Variants in MYH10 observed in about 807,000 individuals in gnomAD.
MYH10 encodes myosin heavy chain 10, also known as myosin-10.
A neutral mutation model predicts 257.8 loss-of-function variants in MYH10; 55 were observed. The ratio of observed to expected loss-of-function variants is 0.21; its 90% CI spans 0.17 to 0.27. MYH10 has a LOEUF of 0.27. MYH10 is among the 10% of genes least tolerant of loss of function. MYH10 has a pLI of 1.00. For missense variants in MYH10, 1,631 were observed against 2,500.6 expected (o/e 0.65, Z 7.42); for synonymous variants, 854 against 921.7 (o/e 0.93, Z 1.33).
chr17:8,599,898 C>T (rs1229641466), intron 3 of MYH10, among the ~76,000 whole-genome samples: 1 of 152,162 alleles, frequency 6.6e-6, no homozygotes, highest in East Asian at 1.9e-4. Flanking sequence ...ATCTGTTCAT[C>T]TAGCTGGGGC....
intron 17 of MYH10, among the ~76,000 whole-genome samples, chr17:8,522,440 C>T (rs2081687037): frequency 6.6e-6 from 1 of 152,224 alleles, no homozygotes; most frequent in Non-Finnish European, 1.5e-5. Context: ...CAGGCCCATG[C>T]AGGCACACTA....
chr17:8,521,296 GAA>G lies in MYH10; in HGVS notation c.1958-13_1958-12del, dbSNP rs776595754. 1 of 1,613,122 alleles carries G rather than the reference GAA, an allele frequency of 6.2e-7. No homozygotes were observed. The highest frequency in any genetic ancestry group is 8.5e-7 in the Non-Finnish European group (1 of 1,179,100). ...CCACGATACGGTCCACTGGGGAGAA[GAA>G]AGGAGAAAACAAATATAAGCCAAAC... On this transcript the variant is annotated splice_polypyrimidine_tract_variant and intron_variant, in intron 17 of 42. Transcript: ENST00000360416.
At chr17:8,598,915 C>G (rs2084490155) in intron 3 of MYH10, among the ~76,000 whole-genome samples, 1 of 152,168 alleles carries the variant, frequency 6.6e-6, no homozygotes, top group Non-Finnish European at 1.5e-5. Flanking sequence ...CCATGTTGCC[C>G]AGGCTGGTCT....
intron 31 of MYH10, among the ~76,000 whole-genome samples, chr17:8,494,287 G>A (rs914462162): frequency 5.3e-5 from 8 of 152,174 alleles, no homozygotes; most frequent in African/African-American, 1.2e-4. Context: ...CCCGTCTTAG[G>A]CATCCCTCAG....
chr17:8,599,028 ATC>A (rs2084495060), intron 3 of MYH10, among the ~76,000 whole-genome samples: 1 of 152,222 alleles, frequency 6.6e-6, no homozygotes, highest in South Asian at 2.1e-4. Context: ...TTTCTAAAGA[ATC>A]TGTAAGTTTT....
intron 3 of MYH10, among the ~76,000 whole-genome samples, chr17:8,590,777 TGGG>T (rs2084097875): frequency 6.6e-6 from 1 of 152,116 alleles, no homozygotes; most frequent in South Asian, 2.1e-4. Flanking sequence ...ACAGAACCAC[TGGG>T]ATATCTCCTG....
rs376460081 is a variant in MYH10 at position 8,566,476 on chromosome 17, T to C, written c.756+3244A>G. On this transcript the variant is annotated intron_variant, in intron 7 of 42. Coordinates refer to ENST00000360416, the MANE Select transcript of MYH10 (RefSeq NM_001256012.3). ...TCATGGCAACATTCAAGGAGCCCTA[T>C]GGAGAGGCTGCCTCCAAAGCCAGGA... Among the ~76,000 whole-genome samples, 5 of 152,132 alleles carry C rather than the reference T, an allele frequency of 3.3e-5. No individual in the cohort carries two copies. In the East Asian group the frequency reaches 5.8e-4, roughly 18 times the overall value.
intron 7 of MYH10, among the ~76,000 whole-genome samples, chr17:8,555,122 A>G (rs1344483736): frequency 6.6e-6 from 1 of 152,118 alleles, no homozygotes; most frequent in Non-Finnish European, 1.5e-5. Context: ...AAAAAAAGAA[A>G]CAAGAAAAAA....
At chr17:8,607,400 AG>A (rs2084852255) in intron 2 of MYH10, among the ~76,000 whole-genome samples, 1 of 152,244 alleles carries the variant, frequency 6.6e-6, no homozygotes, top group Non-Finnish European at 1.5e-5. Context: ...TACTTACCTG[AG>A]GACTACAATA....
intron 32 of MYH10, among the ~76,000 whole-genome samples, 194 bp downstream of exon 32, chr17:8,493,538 CT>C (rs1916097860): frequency 6.6e-6 from 1 of 152,120 alleles, no homozygotes; most frequent in Admixed American, 6.5e-5. Context: ...TGACACAGTC[CT>C]AGGTCCTTAT....
intron 16 of MYH10, among the ~76,000 whole-genome samples, chr17:8,531,802 T>C (rs538737544): frequency 1.3e-5 from 2 of 152,364 alleles, no homozygotes; most frequent in South Asian, 4.1e-4. Context: ...TGTCGTTTTC[T>C]GCTTTTGCAT....
rs1216275029 is a variant in MYH10 at position 8,618,200 on chromosome 17, G to A, written c.345+4702C>T. ...TTTAACAGTCTTTTCAGATAACCAT[G>A]GATATTTATCTTTGATACTACTAAA... On this transcript the variant is annotated intron_variant, in intron 2 of 42. Coordinates refer to ENST00000360416, the MANE Select transcript of MYH10 (RefSeq NM_001256012.3). Among the ~76,000 whole-genome samples the A allele has an allele frequency of 4.0e-5, 6 of 151,854 alleles. No homozygotes were observed. In the East Asian group the frequency reaches 1.2e-3, roughly 29 times the overall value.
At chr17:8,629,434 G>A (rs2085814320) in intron 1 of MYH10, among the ~76,000 whole-genome samples, 1 of 148,978 alleles carries the variant, frequency 6.7e-6, no homozygotes, top group African/African-American at 2.5e-5. Flanking sequence ...GCTGTAGGCA[G>A]AGGCCACGTT....
chr17:8,479,033 G>C (rs992573440), intron 40 of MYH10, among the ~76,000 whole-genome samples: 1 of 152,206 alleles, frequency 6.6e-6, no homozygotes, highest in Non-Finnish European at 1.5e-5. Context: ...CACCCGGCCT[G>C]TACACAGTGA....
intron 24 of MYH10, among the ~76,000 whole-genome samples, chr17:8,511,579 T>C (rs1301182905): frequency 6.6e-6 from 1 of 152,188 alleles, no homozygotes; most frequent in Non-Finnish European, 1.5e-5. Flanking sequence ...ACTAGGGTTG[T>C]ACAAATCAAC....
At chr17:8,563,363 C>T (rs1021900122) in intron 7 of MYH10, among the ~76,000 whole-genome samples, 4 of 152,072 alleles carry the variant, frequency 2.6e-5, no homozygotes, top group African/African-American at 9.7e-5. Context: ...AAGCCATGGA[C>T]TGATTAGAAA....
At chr17:8,551,810 T>G (rs529150850) in intron 9 of MYH10, among the ~76,000 whole-genome samples, 28 of 152,254 alleles carry the variant, frequency 1.8e-4, no homozygotes, top group Admixed American at 1.4e-3. Flanking sequence ...TTTAAAAAAT[T>G]TTAAAAAAGA....
At chr17:8,609,794 G>A (rs536111324) in intron 2 of MYH10, among the ~76,000 whole-genome samples, 5 of 151,918 alleles carry the variant, frequency 3.3e-5, no homozygotes, top group African/African-American at 9.7e-5. Context: ...AGAAAATGAC[G>A]TTACAAAGGC....
intron 38 of MYH10, 44 bp downstream of exon 38, chr17:8,481,278 G>T (rs1231602966): frequency 2.5e-6 from 4 of 1,584,184 alleles, no homozygotes; most frequent in Non-Finnish European, 1.7e-6. Flanking sequence ...AGCAGTGCGC[G>T]TGCCTGAGGG....
Sources: allele counts gnomAD v4.1 joint callset (sites outside exome capture counted in the v4.1 genomes callset), GRCh38; gene constraint gnomAD v4.1.1; transcripts MANE v1.5; gene names NCBI Gene and HGNC (gene_info 2026-07-23, HGNC 2026-07-21).